Variants in ITSN2 observed in about 807,000 individuals in gnomAD.
ITSN2 encodes intersectin 2.
ITSN2 carries 156 observed loss-of-function variants against 243.7 expected under a neutral mutation model. That is an observed-to-expected ratio of 0.64 (90% CI 0.56 to 0.73). The LOEUF (loss-of-function observed/expected upper bound fraction) is 0.73, where lower values mean the gene tolerates loss of function less well. ITSN2 is among the 30% of genes least tolerant of loss of function. ITSN2 has a pLI of 0.00. For synonymous variants in ITSN2, 703 were observed against 699.9 expected, an observed-to-expected ratio of 1.00 and a Z score of -0.07; for missense variants, 1,801 against 1,996.1, an observed-to-expected ratio of 0.90 and a Z score of 1.86.
intron 29 of ITSN2, chr2:24,240,491 A>T (rs1315643322): frequency 1.3e-5 from 2 of 152,204 alleles, no homozygotes; most frequent in Non-Finnish European, 1.5e-5. Flanking sequence ...ATCTCCCTAC[A>T]TCCTAATAAT....
intron 2 of ITSN2, among the ~76,000 whole-genome samples, chr2:24,323,990 T>G (rs896807755): frequency 6.6e-6 from 1 of 152,178 alleles, no homozygotes; most frequent in Non-Finnish European, 1.5e-5. Flanking sequence ...CCCAGCACTT[T>G]GGGAGGCCAA....
chr2:24,283,951 C>T (rs565027935), intron 17 of ITSN2, among the ~76,000 whole-genome samples: 7 of 152,322 alleles, frequency 4.6e-5, no homozygotes, highest in Non-Finnish European at 1.0e-4. Context: ...TATGGGTCCC[C>T]TGCTGCTACC....
chr2:24,290,828 T>G (rs887907796), intron 15 of ITSN2, among the ~76,000 whole-genome samples: 2 of 152,234 alleles, frequency 1.3e-5, no homozygotes, highest in African/African-American at 4.8e-5. Flanking sequence ...TACTTTTCTA[T>G]TTCTGATCAA....
At chr2:24,337,315 A>AATATATATATACATATATAT (rs1686499891) in intron 1 of ITSN2, among the ~76,000 whole-genome samples, 1 of 32,026 alleles carries the variant, frequency 3.1e-5, no homozygotes, top group Non-Finnish European at 5.7e-5. Context: ...GTATACACAA[A>AATATATATATACATATATAT]ATATATATAT....
At chr2:24,346,113 C>T (rs1687504761) in intron 1 of ITSN2, among the ~76,000 whole-genome samples, 1 of 152,076 alleles carries the variant, frequency 6.6e-6, no homozygotes, top group South Asian at 2.1e-4. Context: ...GTATCCCAGC[C>T]CACAAAGATG....
At chr2:24,213,126 C>G (rs1458347384) in intron 32 of ITSN2, among the ~76,000 whole-genome samples, 1 of 152,104 alleles carries the variant, frequency 6.6e-6, no homozygotes, top group Non-Finnish European at 1.5e-5. Context: ...TGGGACTGTC[C>G]CCTGCCCTCT....
chr2:24,329,833 T>A (rs1242859055), intron 1 of ITSN2, among the ~76,000 whole-genome samples: 1 of 152,220 alleles, frequency 6.6e-6, no homozygotes, highest in Non-Finnish European at 1.5e-5. Context: ...CACCATTTTA[T>A]AGCTAGCTTA....
chr2:24,217,962 C>G lies in ITSN2; in HGVS notation c.3751G>C (p.Ala1251Pro). ...ESGFLTEGEM[A>P]LIFVNWKELI... ...TCCTTCCAGTTAACAAAAATCAGGG[C>G]CATCTCCCCTTCAGTGAGAAAGCCT... is the stretch of plus-strand genomic sequence containing the variant. Residue 1251 changes from alanine to proline, a missense_variant, in exon 31 of 40, where the codon GCC (alanine) becomes CCC (proline). Coordinates refer to ENST00000355123, the MANE Select transcript of ITSN2 (RefSeq NM_006277.3). The G allele has an allele frequency of 6.2e-7, 1 of 1,614,110 alleles. No homozygotes were observed. The highest frequency in any genetic ancestry group is 8.5e-7 in the Non-Finnish European group (1 of 1,179,994).
rs756669244 is a variant in ITSN2 at position 24,271,794 on chromosome 2, C to T, written c.2229G>A (p.Lys743=). 1 of 1,601,400 alleles carries T rather than the reference C, an allele frequency of 6.2e-7. No homozygotes were observed. The highest frequency in any genetic ancestry group is 8.5e-7 in the Non-Finnish European group (1 of 1,176,864). ...RKAEEKQRKD[K]DTLKAEEKKR... ...TTTTCTCCTCAGCTTTCAAAGTATC[C>T]TTATCCTTACGTTGTTTCTCCTCAG... The change falls in exon 19 of 40, where the codon AAG becomes AAA. Residue 743 remains lysine (K), a synonymous_variant. Transcript: ENST00000355123.
chr2:24,258,005 A>G lies in ITSN2; in HGVS notation c.2771T>C (p.Ile924Thr), dbSNP rs1381995542. The G allele has an allele frequency of 4.3e-6, 7 of 1,613,948 alleles. No homozygotes were observed. Among genetic ancestry groups the G allele is most frequent in the Admixed American group, 1.7e-5 (1 of 60,012 alleles). The change falls in exon 23 of 40, where the codon ATT (isoleucine) becomes ACT (threonine). Residue 924 changes from isoleucine to threonine, a missense_variant. Transcript: ENST00000355123. ...DNHLNFSKHD[I>T]ITVLEQQENW... ...TTCTTGCTGCTCCAAGACAGTAATA[A>G]TGTCATGTTTTGAGAAGTTCAAGTG... is the stretch of plus-strand genomic sequence containing the variant.
At chr2:24,330,468 A>C (rs1032945300) in intron 1 of ITSN2, 1 of 659,028 alleles carries the variant, frequency 1.5e-6, no homozygotes, top group Non-Finnish European at 2.9e-6. Flanking sequence ...CGAACCACAG[A>C]GAAGACCCAT....
Position 24,261,105 on chromosome 2 carries a change from C to T in ITSN2, c.2682+1G>A. The T allele has an allele frequency of 6.2e-7, 1 of 1,610,828 alleles. No homozygotes were observed. Among genetic ancestry groups the T allele is most frequent in the Non-Finnish European group, 8.5e-7 (1 of 1,178,888 alleles). ...GCCCACAAAAATAACAGACAACATA[C>T]CTGTCCATGAATAGGTGATACAGAT... On this transcript the variant is annotated splice_donor_variant, in intron 22 of 39. Coordinates refer to ENST00000355123, the MANE Select transcript of ITSN2 (RefSeq NM_006277.3). LOFTEE classifies it high-confidence loss of function.
chr2:24,283,670 G>T (rs1679114686), intron 17 of ITSN2, among the ~76,000 whole-genome samples: 1 of 152,134 alleles, frequency 6.6e-6, no homozygotes, highest in Non-Finnish European at 1.5e-5. Flanking sequence ...TTCCTAAATT[G>T]CTCTGATGAA....
rs757472149 is a variant in ITSN2 at position 24,205,263 on chromosome 2, C to T, written c.4713G>A (p.Leu1571=). The T allele has an allele frequency of 2.3e-5, 37 of 1,613,954 alleles. 1 individual carries two copies. In the South Asian group the frequency reaches 3.4e-4, roughly 15 times the overall value. The change falls in exon 38 of 40, where the codon CTG becomes CTA. Residue 1571 remains leucine (L), a synonymous_variant. Coordinates refer to ENST00000355123, the MANE Select transcript of ITSN2 (RefSeq NM_006277.3). The stretch of plus-strand genomic sequence containing the variant: ...CTGTAGCTTCAATGACATGCACCAT[C>T]AGGCGCCCAATGCCTGAAGTCTTTT... ...RSQKTSGIGR[L]MVHVIEATEL... is the part of the protein sequence containing the mutation.
At chr2:24,344,407 CT>C (rs1285945642) in intron 1 of ITSN2, among the ~76,000 whole-genome samples, 1 of 152,092 alleles carries the variant, frequency 6.6e-6, no homozygotes, top group African/African-American at 2.4e-5. Flanking sequence ...ATACTTGTTT[CT>C]GTATAATCTT....
intron 22 of ITSN2, among the ~76,000 whole-genome samples, chr2:24,260,880 G>A (rs1028797171): frequency 3.2e-5 from 4 of 125,120 alleles, no homozygotes; most frequent in African/African-American, 1.2e-4. Flanking sequence ...CTCCAGCCTG[G>A]GCAACAGAGT....
intron 18 of ITSN2, among the ~76,000 whole-genome samples, chr2:24,272,143 T>A (rs572829266): frequency 4.6e-5 from 7 of 152,238 alleles, no homozygotes; most frequent in Non-Finnish European, 1.0e-4. Context: ...AGCTTTGGAT[T>A]GATTAGTGGA....
At chr2:24,339,241 C>A (rs544054194) in intron 1 of ITSN2, among the ~76,000 whole-genome samples, 1 of 152,216 alleles carries the variant, frequency 6.6e-6, no homozygotes, top group East Asian at 1.9e-4. Context: ...GTAATCCCAG[C>A]ACTTTAGGAG....
At chr2:24,336,696 C>G (rs1686415572) in intron 1 of ITSN2, among the ~76,000 whole-genome samples, 1 of 152,198 alleles carries the variant, frequency 6.6e-6, no homozygotes, top group South Asian at 2.1e-4. Context: ...TAGTCACTAT[C>G]TCCTATGTGT....
Sources: gnomAD v4.1 joint callset for allele counts (sites outside exome capture counted in the v4.1 genomes callset) on GRCh38, gnomAD v4.1.1 for gene constraint, MANE v1.5 for transcripts, NCBI Gene and HGNC (gene_info 2026-07-23, HGNC 2026-07-21) for gene names.